The following NTRK2 variants were observed in gnomAD, a reference collection of about 807,000 sequenced individuals.
NTRK2 encodes BDNF/NT-3 growth factors receptor.
A neutral mutation model predicts 94.5 loss-of-function variants in NTRK2; 13 were observed. That is an observed-to-expected ratio of 0.14 (90% confidence interval 0.09 to 0.22). NTRK2 has a LOEUF of 0.22. NTRK2 is among the 10% of genes least tolerant of loss of function. NTRK2 has a pLI of 1.00. For missense variants in NTRK2, 639 were observed against 1,071.2 expected (o/e 0.60, Z 5.63); for synonymous variants, 372 against 407.4 (o/e 0.91, Z 1.05).
chr9:84,784,765 G>A (rs1451592692), intron 12 of NTRK2, among the ~76,000 whole-genome samples: 1 of 152,122 alleles, frequency 6.6e-6, no homozygotes, highest in African/African-American at 2.4e-5. Context: ...ATAAATTAAT[G>A]TTGGTCAACT....
At chr9:84,723,940 A>G (rs1204048637) in intron 7 of NTRK2, among the ~76,000 whole-genome samples, 1 of 152,230 alleles carries the variant, frequency 6.6e-6, no homozygotes, top group Non-Finnish European at 1.5e-5. Flanking sequence ...CTATATCCCT[A>G]GTGAGCTCTT....
chr9:84,797,758 TAC>T (rs1173204653), intron 12 of NTRK2, among the ~76,000 whole-genome samples: 8 of 21,680 alleles, frequency 3.7e-4, no homozygotes, highest in African/African-American at 9.1e-4. Flanking sequence ...ATATTATATA[TAC>T]TATAATAATA....
At chr9:84,732,935 T>A (rs1255405531) in intron 9 of NTRK2, among the ~76,000 whole-genome samples, 1 of 152,150 alleles carries the variant, frequency 6.6e-6, no homozygotes, top group Non-Finnish European at 1.5e-5. Flanking sequence ...GAAAGTACTT[T>A]ATGTTGTTGG....
chr9:84,682,374 C>A (rs1377569890), intron 2 of NTRK2, among the ~76,000 whole-genome samples: 1 of 152,110 alleles, frequency 6.6e-6, no homozygotes, highest in Non-Finnish European at 1.5e-5. Context: ...GAAATGCAAG[C>A]AGCGCAAAGG....
intron 9 of NTRK2, among the ~76,000 whole-genome samples, chr9:84,730,101 C>T (rs1236893195): frequency 6.6e-6 from 1 of 152,072 alleles, no homozygotes; most frequent in Non-Finnish European, 1.5e-5. Flanking sequence ...AATATGTTTC[C>T]TCCCCTTCTT....
chr9:84,926,936 T>C (rs1239503331), intron 14 of NTRK2, among the ~76,000 whole-genome samples: 2 of 152,236 alleles, frequency 1.3e-5, no homozygotes, highest in Admixed American at 1.3e-4. Flanking sequence ...ATGTGTTCAT[T>C]TCTTATTGAT....
At chr9:84,883,818 C>T (rs904895447) in intron 14 of NTRK2, among the ~76,000 whole-genome samples, 3 of 152,116 alleles carry the variant, frequency 2.0e-5, no homozygotes, top group Non-Finnish European at 4.4e-5. Context: ...TCTAATAATT[C>T]GGTATCAAAA....
At chr9:84,875,193 A>G (rs1461283932) in intron 14 of NTRK2, 2 of 1,058,126 alleles carry the variant, frequency 1.9e-6, no homozygotes, top group Admixed American at 5.4e-5. Context: ...GACTCTGTTA[A>G]TATTTCTATA....
chr9:85,013,337 C>T (rs1030837519), intron 17 of NTRK2, among the ~76,000 whole-genome samples: 1 of 152,178 alleles, frequency 6.6e-6, no homozygotes, highest in Non-Finnish European at 1.5e-5. Flanking sequence ...GAGTCTCACT[C>T]TGTCACCCAG....
At chr9:84,845,833 G>T (rs2074441685) in intron 12 of NTRK2, among the ~76,000 whole-genome samples, 1 of 151,914 alleles carries the variant, frequency 6.6e-6, no homozygotes, top group Non-Finnish European at 1.5e-5. Context: ...TACACTGCTT[G>T]GGTGATGGGT....
chr9:84,813,141 C>T, intron 12 of NTRK2: 1 of 1,043,006 alleles, frequency 9.6e-7, no homozygotes, highest in Non-Finnish European at 1.2e-6. Flanking sequence ...TGAAATCGGG[C>T]CTGTCACTCT....
At chr9:84,885,967 G>T (rs1473146361) in intron 14 of NTRK2, among the ~76,000 whole-genome samples, 2 of 151,988 alleles carry the variant, frequency 1.3e-5, no homozygotes, top group African/African-American at 2.4e-5. Context: ...GGAGGCAGAG[G>T]TTGCAGTGAG....
chr9:84,806,525 A>G (rs1394650478), intron 12 of NTRK2, among the ~76,000 whole-genome samples: 1 of 152,246 alleles, frequency 6.6e-6, no homozygotes, highest in African/African-American at 2.4e-5. Context: ...GATTTCTGCT[A>G]CAGGTGCAGA....
chr9:84,815,854 A>T lies in NTRK2; in HGVS notation c.1397-45186A>T, dbSNP rs954757602. On this transcript the variant is annotated intron_variant, in intron 12 of 18. Transcript: ENST00000277120. ...ATGTCACGGAGAGTTTCAGGGGAGTACCAGGCCCATTTCAGATTCTGTGAT... is the reference window on the plus strand; with the variant it reads ...ATGTCACGGAGAGTTTCAGGGGAGTTCCAGGCCCATTTCAGATTCTGTGAT... 3 of 590,222 alleles carry T rather than the reference A, an allele frequency of 5.1e-6. No individual in the cohort carries two copies. In the African/African-American group the frequency reaches 6.1e-5, roughly 12 times the overall value. The allele number at this position is 590,222 out of a possible 1,614,324, so 36.6% of individuals were successfully genotyped here. A position where few individuals can be genotyped will look rare whatever the true frequency, so the allele number is the denominator to read the frequency against.
intron 4 of NTRK2, among the ~76,000 whole-genome samples, chr9:84,704,146 T>G (rs1335490059): frequency 6.6e-6 from 1 of 152,184 alleles, no homozygotes; most frequent in Non-Finnish European, 1.5e-5. Flanking sequence ...TTTTCATTAT[T>G]GCATGCTATT....
chr9:84,911,264 T>A (rs2077227790), intron 14 of NTRK2, among the ~76,000 whole-genome samples: 1 of 152,164 alleles, frequency 6.6e-6, no homozygotes, highest in Non-Finnish European at 1.5e-5. Context: ...TTTTGTGTTA[T>A]GTTTTCTAAT....
intron 14 of NTRK2, among the ~76,000 whole-genome samples, chr9:84,887,328 A>G (rs373648102): frequency 7.2e-5 from 11 of 152,146 alleles, no homozygotes; most frequent in Admixed American, 6.5e-5. Flanking sequence ...TTCAGGGCCA[A>G]GGAATCTTTT....
chr9:84,885,674 GT>G (rs1017992546), intron 14 of NTRK2, among the ~76,000 whole-genome samples: 1 of 152,156 alleles, frequency 6.6e-6, no homozygotes, highest in African/African-American at 2.4e-5. Flanking sequence ...ATTCAAAATG[GT>G]TTTCCTACTG....
At chr9:84,898,491 C>T (rs1378988945) in intron 14 of NTRK2, among the ~76,000 whole-genome samples, 1 of 151,818 alleles carries the variant, frequency 6.6e-6, no homozygotes, top group East Asian at 1.9e-4. Context: ...TTCTTTCTTT[C>T]TTTCTTTCTT....
Sources: gnomAD v4.1 joint callset for allele counts (sites outside exome capture counted in the v4.1 genomes callset) on GRCh38, gnomAD v4.1.1 for gene constraint, MANE v1.5 for transcripts, NCBI Gene and HGNC (gene_info 2026-07-23, HGNC 2026-07-21) for gene names.